The following EP300 variants were observed in gnomAD, a reference collection of about 807,000 sequenced individuals.
The protein encoded by EP300 is EP300 lysine acetyltransferase.
EP300 carries 31 observed loss-of-function variants against 264.0 expected under a neutral mutation model. That is an observed-to-expected ratio of 0.12 (90% CI 0.09 to 0.16). The LOEUF (loss-of-function observed/expected upper bound fraction) is 0.16, where lower values mean the gene tolerates loss of function less well. EP300 is among the 10% of genes least tolerant of loss of function. EP300 has a pLI of 1.00. For missense variants in EP300, 2,766 were observed against 3,052.9 expected (o/e 0.91, Z 2.21); for synonymous variants, 1,340 against 1,045.4 (o/e 1.28, Z -5.44).
At chr22:41,113,063 C>T (rs1335664437) in intron 1 of EP300, among the ~76,000 whole-genome samples, 1 of 150,980 alleles carries the variant, frequency 6.6e-6, no homozygotes, top group African/African-American at 2.4e-5. Flanking sequence ...TTAATGATTT[C>T]TTAATATCAC....
At chr22:41,119,298 C>T (rs1305619818) in intron 2 of EP300, among the ~76,000 whole-genome samples, 1 of 148,960 alleles carries the variant, frequency 6.7e-6, no homozygotes, top group Non-Finnish European at 1.5e-5. Context: ...GCCAGGATTA[C>T]AGGTGTGAGC....
chr22:41,148,513 G>A (rs2059025218), intron 12 of EP300, among the ~76,000 whole-genome samples: 1 of 152,132 alleles, frequency 6.6e-6, no homozygotes, highest in African/African-American at 2.4e-5. Flanking sequence ...TTTGGTACTC[G>A]AGATTTCTTT....
intron 10 of EP300, among the ~76,000 whole-genome samples, chr22:41,141,687 T>C (rs2058983454): frequency 1.3e-5 from 2 of 151,338 alleles, no homozygotes; most frequent in South Asian, 4.2e-4. Flanking sequence ...TTCTTTTTCT[T>C]TTTTTTTGAG....
At chr22:41,161,854 G>C (rs1384875742) in intron 20 of EP300, among the ~76,000 whole-genome samples, 1 of 152,192 alleles carries the variant, frequency 6.6e-6, no homozygotes, top group Non-Finnish European at 1.5e-5. Flanking sequence ...AAAGATAGCA[G>C]TGTCTGGGTG....
At chr22:41,170,355 C>T (rs1232605553) in intron 26 of EP300, 51 bp from the exon 27 acceptor site, 1 of 1,566,132 alleles carries the variant, frequency 6.4e-7, no homozygotes, top group South Asian at 1.1e-5. Context: ...ATGTAGCCTT[C>T]TAGAATAGAT....
chr22:41,177,492 A>G lies in EP300; in HGVS notation c.5781A>G (p.Glu1927=). 6.2e-7 allele frequency: 1 copy of G among 1,614,150 alleles called. No homozygotes were observed. The highest frequency in any genetic ancestry group is 8.5e-7 in the Non-Finnish European group (1 of 1,180,022). Residue 1927 remains glutamate (E), a synonymous_variant, in exon 31 of 31, where the codon GAA becomes GAG. Coordinates refer to ENST00000263253, the MANE Select transcript of EP300 (RefSeq NM_001429.4). ...CAGGGCCCCCACCTGCAGCAGTGGA[A>G]ATGGCAATGCAGATTCAGAGAGCAG... ...PLPGPPPAAV[E]MAMQIQRAAE...
At chr22:41,135,019 T>C (rs924459080) in intron 6 of EP300, among the ~76,000 whole-genome samples, 13 of 152,144 alleles carry the variant, frequency 8.5e-5, no homozygotes, top group Non-Finnish European at 1.5e-4. Flanking sequence ...GCGATGCTCC[T>C]GCCTCAGCCT....
intron 6 of EP300, among the ~76,000 whole-genome samples, chr22:41,132,029 C>G (rs2058922626): frequency 6.6e-6 from 1 of 151,878 alleles, no homozygotes; most frequent in African/African-American, 2.4e-5. Context: ...AACCCCGTCT[C>G]TACTAAAAAT....
chr22:41,164,637 C>G (rs2059125164), intron 22 of EP300, among the ~76,000 whole-genome samples: 1 of 152,190 alleles, frequency 6.6e-6, no homozygotes, highest in South Asian at 2.1e-4. Context: ...ATCACTTGAA[C>G]CTGTGAGGGG....
Position 41,168,111 on chromosome 22 carries a change from C to T in EP300, c.3875-338C>T, listed in dbSNP as rs182394308. The T allele has an allele frequency of 2.0e-3, 701 of 349,684 alleles. 6 individuals carry two copies. In the Middle Eastern group the frequency reaches 0.022, roughly 11 times the overall value. The allele number at this position is 349,684 out of a possible 1,614,324, so 21.7% of individuals were successfully genotyped here. A position where few individuals can be genotyped will look rare whatever the true frequency, so the allele number is the denominator to read the frequency against. On this transcript the variant is annotated intron_variant, in intron 23 of 30. Transcript: ENST00000263253. ...TGCTGGGATTACAGGCATGAGCTAC[C>T]GCACCCGGCCCCTGTTCTGTATTTT...
intron 2 of EP300, among the ~76,000 whole-genome samples, chr22:41,124,841 ACT>A (rs60516355): frequency 0.035 from 5,267 of 152,178 alleles, 294 homozygotes; most frequent in African/African-American, 0.12. Context: ...TATGAAAATA[ACT>A]CTGTACATTT....
rs1316610590 is a variant in EP300 at position 41,178,516 on chromosome 22, A to C, written c.6805A>C (p.Met2269Leu). The change falls in exon 31 of 31, where the codon ATG becomes CTG. Residue 2269 changes from methionine to leucine, a missense_variant. Coordinates refer to ENST00000263253, the MANE Select transcript of EP300 (RefSeq NM_001429.4). The part of the protein sequence containing the change: ...AYQQRLLQQQ[M>L]GSPVQPNPMS... ...TCAGCAGCGACTCCTTCAGCAACAGATGGGGTCCCCTGTTCAGCCCAACCC... is the reference window on the plus strand; with the variant it reads ...TCAGCAGCGACTCCTTCAGCAACAGCTGGGGTCCCCTGTTCAGCCCAACCC... 6.2e-7 allele frequency: 1 copy of C among 1,613,716 alleles called. No homozygotes were observed. Among genetic ancestry groups the C allele is most frequent in the Non-Finnish European group, 8.5e-7 (1 of 1,179,958 alleles).
rs550976415 is a variant in EP300, at chr22:41,156,222, A to T, written c.3262-947A>T. Among the ~76,000 whole-genome samples the T allele has an allele frequency of 1.2e-4, 19 of 152,224 alleles. No homozygotes were observed. The East Asian group carries it at 3.5e-3, about 28-fold the overall frequency. On this transcript the variant is annotated intron_variant, in intron 17 of 30. Coordinates refer to ENST00000263253, the MANE Select transcript of EP300 (RefSeq NM_001429.4). ...GAGATGGGGTTTCTGTATGTTGGTC[A>T]GGCTGGTCTCAAACTCCCAACCTCA...
Position 41,157,159 on chromosome 22 carries a change from G to A in EP300, c.3262-10G>A, listed in dbSNP as rs778171752. On this transcript the variant is annotated splice_polypyrimidine_tract_variant and intron_variant, in intron 17 of 30. Transcript: ENST00000263253. ...ACTTGAGTAATGTTTGATGTCACTT[G>A]TCTTTCTAGGATTACTTTGATATTG... 1.2e-6 allele frequency: 2 copies of A among 1,613,820 alleles called. No individual in the cohort carries two copies. Among genetic ancestry groups the A allele is most frequent in the Non-Finnish European group, 1.7e-6 (2 of 1,179,898 alleles).
chr22:41,135,940 A>C (rs781483390), intron 7 of EP300, 34 bp downstream of exon 7: 2 of 1,453,490 alleles, frequency 1.4e-6, no homozygotes, highest in Admixed American at 3.3e-5. Flanking sequence ...CCTGGGTCAC[A>C]TTACAAATAC....
intron 6 of EP300, among the ~76,000 whole-genome samples, chr22:41,135,462 A>G (rs1407449439): frequency 1.3e-5 from 2 of 151,842 alleles, no homozygotes; most frequent in Non-Finnish European, 2.9e-5. Context: ...CTTTTTATTT[A>G]GAATTAGATT....
intron 5 of EP300, among the ~76,000 whole-genome samples, chr22:41,130,829 A>G (rs2058914767): frequency 6.6e-6 from 1 of 151,944 alleles, no homozygotes; most frequent in Non-Finnish European, 1.5e-5. Flanking sequence ...AAGAGAAAAG[A>G]CGAGATTAAC....
intron 1 of EP300, among the ~76,000 whole-genome samples, chr22:41,109,253 CAAAAAAAA>C (rs71328769): frequency 2.6e-5 from 3 of 116,428 alleles, no homozygotes; most frequent in Non-Finnish European, 5.2e-5. Flanking sequence ...GACCCTGTCT[CAAAAAAAA>C]AAAAAAACAA....
chr22:41,169,088 T>G (rs898611022), intron 25 of EP300: 26 of 636,240 alleles, frequency 4.1e-5, no homozygotes, highest in Non-Finnish European at 6.8e-5. Context: ...ATAAAGGATA[T>G]GAATAGCAAC....
Sources: allele counts gnomAD v4.1 joint callset (sites outside exome capture counted in the v4.1 genomes callset), GRCh38; gene constraint gnomAD v4.1.1; transcripts MANE v1.5; gene names NCBI Gene and HGNC (gene_info 2026-07-23, HGNC 2026-07-21).